Variants in DENND2B observed in about 807,000 individuals in gnomAD.
The protein encoded by DENND2B is DENN domain containing 2B.
In DENND2B, 32 loss-of-function variants were observed where a neutral mutation model predicts 116.0. That is an observed-to-expected ratio of 0.28 (90% confidence interval 0.21 to 0.37). The LOEUF (loss-of-function observed/expected upper bound fraction) is 0.37. Ranked by LOEUF, DENND2B falls within the 10% of genes least tolerant of loss-of-function variation. The probability of loss-of-function intolerance (pLI) is 1.00; values close to 1 mark genes in which losing one functional copy is unlikely to be tolerated. For missense variants in DENND2B, 1,276 were observed against 1,477.7 expected, an observed-to-expected ratio of 0.86 and a Z score of 2.24; for synonymous variants, 588 against 583.9, an observed-to-expected ratio of 1.01 and a Z score of -0.10.
upstream of DENND2B, among the ~76,000 whole-genome samples, chr11:8,872,113 A>C (rs1395137876): frequency 6.6e-6 from 1 of 152,218 alleles, no homozygotes; most frequent in East Asian, 1.9e-4. Context: ...ATGTTCCAAA[A>C]TCCAAGCCAG....
chr11:8,863,346 T>TTCACACCATTCTCCTGC, intron 2 of DENND2B, among the ~76,000 whole-genome samples: 2 of 81,302 alleles, frequency 2.5e-5, no homozygotes, highest in South Asian at 5.6e-4. Flanking sequence ...AAGCTCCACC[T>TTCACACCATTCTCCTGC]CTCAGCCTCC....
chr11:8,862,262 A>C (rs1415983851), intron 2 of DENND2B, among the ~76,000 whole-genome samples: 1 of 151,942 alleles, frequency 6.6e-6, no homozygotes, highest in African/African-American at 2.4e-5. Context: ...TCAAGTGATA[A>C]GGGTTTCCAA....
chr11:8,725,375 C>CTTTTTTT (rs759022754), intron 4 of DENND2B, among the ~76,000 whole-genome samples: 1 of 82,182 alleles, frequency 1.2e-5, no homozygotes. Context: ...TGAAATATTA[C>CTTTTTTT]TTTTTTTTTT....
intron 4 of DENND2B, among the ~76,000 whole-genome samples, chr11:8,719,885 C>A (rs1565715113): frequency 6.6e-6 from 1 of 152,194 alleles, no homozygotes; most frequent in African/African-American, 2.4e-5. Flanking sequence ...TCATCCCCAA[C>A]CTATAGGAAG....
chr11:8,855,261 C>G (rs539232943), intron 3 of DENND2B, among the ~76,000 whole-genome samples: 1 of 151,894 alleles, frequency 6.6e-6, no homozygotes, highest in African/African-American at 2.4e-5. Context: ...GTGTAGTGTA[C>G]AAGCTGGCTC....
intron 1 of DENND2B, among the ~76,000 whole-genome samples, chr11:8,800,107 C>T (rs2060190500): frequency 6.6e-6 from 1 of 151,972 alleles, no homozygotes; most frequent in Non-Finnish European, 1.5e-5. Context: ...GCATGTGTTA[C>T]CATGCTTGGT....
intron 1 of DENND2B, among the ~76,000 whole-genome samples, chr11:8,885,650 G>A (rs1004559604): frequency 3.9e-5 from 6 of 152,038 alleles, no homozygotes; most frequent in African/African-American, 7.2e-5. Context: ...TCCCAATAAG[G>A]AATAAAAATG....
intron 1 of DENND2B, among the ~76,000 whole-genome samples, chr11:8,800,377 C>T (rs1436639124): frequency 6.6e-6 from 1 of 152,138 alleles, no homozygotes; most frequent in African/African-American, 2.4e-5. Context: ...CTAAGGAGTA[C>T]GGGGCACAGT....
chr11:8,711,204 C>G lies in DENND2B; in HGVS notation c.2200G>C (p.Glu734Gln), dbSNP rs187484552. 3.1e-6 allele frequency: 5 copies of G among 1,613,988 alleles called. No individual in the cohort carries two copies. Among genetic ancestry groups the G allele is most frequent in the Middle Eastern group, 1.6e-4 (1 of 6,062 alleles). The change falls in exon 10 of 20, where the codon GAG becomes CAG. Residue 734 changes from glutamate to glutamine, a missense_variant. By Grantham distance (29) the Glu-to-Gln change is conservative (BLOSUM62 2). This residue lies in a region of DENND2B where 420 missense variants were observed against 631.1 expected (regional missense o/e 0.67). Coordinates refer to ENST00000313726, the MANE Select transcript of DENND2B (RefSeq NM_213618.2). The part of the protein sequence containing the change: ...KLDRPTKQMR[E>Q]AEERLKAIPQ... ...ATGGCTTTGAGCCTTTCCTCTGCCTCTCGCATCTGCTTGGTGGGTCGGTCC... is the reference window on the plus strand; with the variant it reads ...ATGGCTTTGAGCCTTTCCTCTGCCTGTCGCATCTGCTTGGTGGGTCGGTCC...
Position 8,730,090 on chromosome 11 carries a change from C to T in DENND2B, c.1200G>A (p.Lys400=). The T allele has an allele frequency of 6.2e-7, 1 of 1,614,142 alleles. No individual in the cohort carries two copies. Residue 400 remains lysine, a synonymous_variant, in exon 3 of 20, where the codon AAG becomes AAA. Transcript: ENST00000313726. The surrounding 1 kb of genome is among the most constrained non-coding windows in gnomAD (Gnocchi z 4.1). Reference sequence around the variant, plus strand: ...CATTACTGGGCTTACTCTTGGGGTTCTTGTCAGCCTCGTATTCAAAGGTGC... The same window carrying T: ...CATTACTGGGCTTACTCTTGGGGTTTTTGTCAGCCTCGTATTCAAAGGTGC... The part of the protein sequence containing the change: ...PKRTFEYEAD[K]NPKSKPSNGL...
chr11:8,718,879 G>C (rs557831013), intron 4 of DENND2B: 28 of 994,396 alleles, frequency 2.8e-5, no homozygotes, highest in Non-Finnish European at 3.2e-5. Flanking sequence ...CTAAAATAGA[G>C]TAACACCATG....
chr11:8,831,253 G>T (rs1334123474), intron 4 of DENND2B, among the ~76,000 whole-genome samples: 4 of 152,146 alleles, frequency 2.6e-5, no homozygotes, highest in African/African-American at 9.7e-5. Flanking sequence ...GTGTAAAATG[G>T]GGAGGATTGT....
At chr11:8,763,107 T>A (rs1565885454) in intron 1 of DENND2B, among the ~76,000 whole-genome samples, 1 of 152,188 alleles carries the variant, frequency 6.6e-6, no homozygotes, top group South Asian at 2.1e-4. Context: ...CCAGAGAGGA[T>A]ACCCAAACAG....
Position 8,730,634 on chromosome 11 carries a change from G to A in DENND2B, c.656C>T (p.Thr219Ile). The A allele has an allele frequency of 6.2e-7, 1 of 1,612,974 alleles. No homozygotes were observed. Among genetic ancestry groups the A allele is most frequent in the Non-Finnish European group, 8.5e-7 (1 of 1,179,976 alleles). ...CCTCCGGAGGCCCTTGAAATCAAAG[G>A]TCTTTTCAGAGCTGCAGGGGGACGG... ...VVPSPCSSEK[T>I]FDFKGLRRMS... The change falls in exon 3 of 20, where the codon ACC (threonine) becomes ATC (isoleucine). Residue 219 changes from threonine to isoleucine, a missense_variant. By Grantham distance (89) the Thr-to-Ile change is moderately conservative. Coordinates refer to ENST00000313726, the MANE Select transcript of DENND2B (RefSeq NM_213618.2). The surrounding 1 kb of genome is among the most constrained non-coding windows in gnomAD (Gnocchi z 4.1).
At chr11:8,699,848 T>C (rs1452537567) in intron 14 of DENND2B, 4 of 456,516 alleles carry the variant, frequency 8.8e-6, no homozygotes, top group Non-Finnish European at 1.8e-5. Flanking sequence ...ATGAGCTGGC[T>C]GGACCTACCC....
chr11:8,762,652 G>T (rs2054887125), intron 1 of DENND2B, among the ~76,000 whole-genome samples: 1 of 152,174 alleles, frequency 6.6e-6, no homozygotes, highest in South Asian at 2.1e-4. Flanking sequence ...CCTGAGGTCG[G>T]GAGTTTGAGA....
At chr11:8,736,588 G>A (rs2049087608) in intron 2 of DENND2B, among the ~76,000 whole-genome samples, 1 of 152,172 alleles carries the variant, frequency 6.6e-6, no homozygotes. Context: ...GGGAGGTCAG[G>A]GAAGCCCCTC....
chr11:8,788,062 G>C (rs1488141771), intron 1 of DENND2B, among the ~76,000 whole-genome samples: 2 of 152,114 alleles, frequency 1.3e-5, no homozygotes, highest in Non-Finnish European at 2.9e-5. Context: ...GTTTAAGAGG[G>C]AAGTGGTCGC....
Position 8,729,965 on chromosome 11 carries a change from C to G in DENND2B, c.1325G>C (p.Arg442Pro), listed in dbSNP as rs762272690. The change falls in exon 3 of 20, where the codon CGC (arginine) becomes CCC (proline). Residue 442 changes from arginine to proline, a missense_variant. Physicochemically the swap from Arg to Pro is moderately radical, Grantham distance 103 (BLOSUM62 -2). Transcript: ENST00000313726. The stretch of plus-strand genomic sequence containing the variant: ...CATGCATTACCTGCTCTGGGACTTG[C>G]GGTGACCACGCATGTCCTTCTTGGG... Reference protein sequence around the residue: ...RRPKKDMRGHRKSQSRKSFEF... With the variant: ...RRPKKDMRGHPKSQSRKSFEF... 1 of 1,613,960 alleles carries G rather than the reference C, an allele frequency of 6.2e-7. No individual in the cohort carries two copies. The highest frequency in any genetic ancestry group is 1.3e-5 in the African/African-American group (1 of 75,048).
Sources: gnomAD v4.1 joint callset for allele counts (sites outside exome capture counted in the v4.1 genomes callset) on GRCh38, gnomAD v4.1.1 for gene constraint, gnomAD v4.1.1 regional missense constraint, Gnocchi (gnomAD v3.1) non-coding constraint, MANE v1.5 for transcripts, NCBI Gene and HGNC (gene_info 2026-07-23, HGNC 2026-07-21) for gene names.